XRN1: variants seen among roughly 807,000 people sequenced by gnomAD.
The protein encoded by XRN1 is 5'-3' exoribonuclease 1, also known as strand-exchange protein 1 homolog.
XRN1 carries 67 observed loss-of-function variants against 222.3 expected under a neutral mutation model. The ratio of observed to expected loss-of-function variants is 0.30; its 90% CI spans 0.25 to 0.37. XRN1 has a LOEUF of 0.37. XRN1 is among the 10% of genes least tolerant of loss of function. XRN1 has a pLI of 1.00. For synonymous variants in XRN1, 643 were observed against 652.4 expected (o/e 0.99, Z 0.22); for missense variants, 1,707 against 2,000.2 (o/e 0.85, Z 2.80).
intron 21 of XRN1, among the ~76,000 whole-genome samples, 188 bp downstream of exon 21, chr3:142,384,335 T>C (rs979014839): frequency 6.6e-6 from 1 of 151,344 alleles, no homozygotes. Context: ...CCTAACTATA[T>C]ATACTGAGTG....
At position 142,365,334 on chromosome 3, in the gene XRN1, T is replaced by G; in HGVS notation, c.3237A>C (p.Thr1079=). ...QRKNNKKVRV[T]VKPHLLYRPL... ...CTCTGTATAGCAAATGGGGTTTCAC[T>G]GTTACTCGCACCTTCTTATTATTCT... Residue 1079 remains threonine (T), a synonymous_variant, in exon 28 of 41, where the codon ACA becomes ACC. Transcript: ENST00000392981. 3 of 1,585,718 alleles carry G rather than the reference T, an allele frequency of 1.9e-6. No homozygotes were observed. The highest frequency in any genetic ancestry group is 2.6e-6 in the Non-Finnish European group (3 of 1,165,914).
In XRN1 at chr3:142,417,226, G is replaced by C. The variant is rs1179310572; in HGVS notation, c.1350C>G (p.Asp450Glu). Residue 450 changes from aspartate (D) to glutamate (E), a missense_variant, in exon 13 of 41, where the codon GAC (aspartate) becomes GAG (glutamate). Coordinates refer to ENST00000392981, the MANE Select transcript of XRN1 (RefSeq NM_001282857.2). ...TKMGVDVVSD[D>E]FLADQAACYV... ...AACATGCAGCTTGATCAGCCAGAAA[G>C]TCACTGAAAATAGAATATTTTCATT... 4.3e-6 allele frequency: 7 copies of C among 1,612,880 alleles called. No homozygotes were observed. In the African/African-American group the frequency reaches 9.4e-5, roughly 22 times the overall value.
intron 2 of XRN1, among the ~76,000 whole-genome samples, chr3:142,432,240 T>A (rs1378481038): frequency 1.7e-5 from 2 of 118,662 alleles, no homozygotes; most frequent in Non-Finnish European, 3.1e-5. Flanking sequence ...TATATATATA[T>A]AAAATTTATT....
chr3:142,314,643 G>C (rs1344532345), intron 39 of XRN1, among the ~76,000 whole-genome samples: 1 of 151,828 alleles, frequency 6.6e-6, no homozygotes, highest in Non-Finnish European at 1.5e-5. Context: ...AGTGGCTCAT[G>C]CCTGTAATCC....
rs2069013246 is a variant in XRN1, at chr3:142,421,117, G to C, written c.1072C>G (p.Leu358Val). 42 of 1,613,696 alleles carry C rather than the reference G, an allele frequency of 2.6e-5. No individual in the cohort carries two copies. Among genetic ancestry groups the C allele is most frequent in the Non-Finnish European group, 3.6e-5 (42 of 1,179,844 alleles). Residue 358 changes from leucine (L) to valine (V), a missense_variant, in exon 10 of 41, where the codon CTA (leucine) becomes GTA (valine). By Grantham distance (32) the Leu-to-Val change is conservative (BLOSUM62 1). Transcript: ENST00000392981. ...REHFSEVFVD[L>V]KWFESKVGNK... is the part of the protein sequence containing the mutation. The stretch of plus-strand genomic sequence containing the variant: ...CCAACTTTGCTTTCAAACCATTTTA[G>C]GTCCACAAAAACTTCACTGAAGTGC...
In XRN1 at chr3:142,359,869, T is replaced by C; in HGVS notation, c.3457A>G (p.Thr1153Ala). 2 of 1,603,322 alleles carry C rather than the reference T, an allele frequency of 1.2e-6. No individual in the cohort carries two copies. The highest frequency in any genetic ancestry group is 8.5e-7 in the Non-Finnish European group (1 of 1,172,468). ...LFDEEFPGGL[T>A]IRCSPGRGYR... ...TCATTGGGAAATACAAACCTTATTG[T>C]TAACCCTCCAGGAAATTCTTCATCA... Residue 1153 changes from threonine to alanine, a missense_variant, in exon 30 of 41, where the codon ACA becomes GCA. By Grantham distance (58) the Thr-to-Ala change is moderately conservative. Coordinates refer to ENST00000392981, the MANE Select transcript of XRN1 (RefSeq NM_001282857.2).
chr3:142,439,862 T>C (rs894522187), intron 1 of XRN1, among the ~76,000 whole-genome samples: 4 of 152,120 alleles, frequency 2.6e-5, no homozygotes, highest in African/African-American at 7.2e-5. Context: ...TTGCTTCCAG[T>C]GCGGTCCGCA....
chr3:142,418,081 A>G (rs1020561854), intron 12 of XRN1: 2 of 168,654 alleles, frequency 1.2e-5, no homozygotes, highest in Non-Finnish European at 2.5e-5. Context: ...ATAATGTACT[A>G]TAAGCATCCT....
intron 26 of XRN1, 108 bp from the exon 27 acceptor site, chr3:142,370,728 C>A: frequency 3.3e-6 from 3 of 901,882 alleles, no homozygotes; most frequent in Non-Finnish European, 1.6e-6. Context: ...TGAACTTAAT[C>A]GGGACTAATT....
intron 37 of XRN1, among the ~76,000 whole-genome samples, chr3:142,327,120 C>T (rs1406534563): frequency 6.6e-6 from 1 of 152,000 alleles, no homozygotes; most frequent in Non-Finnish European, 1.5e-5. Flanking sequence ...CAGGGTAATA[C>T]TGGCAAGTTT....
intron 33 of XRN1, among the ~76,000 whole-genome samples, chr3:142,339,154 G>A (rs897663519): frequency 6.6e-6 from 1 of 152,162 alleles, no homozygotes; most frequent in Non-Finnish European, 1.5e-5. Flanking sequence ...GTGGCTTCAG[G>A]TCTGACCTAG....
chr3:142,363,906 T>C (rs2107858742), intron 29 of XRN1, among the ~76,000 whole-genome samples: 1 of 152,338 alleles, frequency 6.6e-6, no homozygotes, highest in Non-Finnish European at 1.5e-5. Context: ...TTAACAATAG[T>C]GAGTCTTCCA....
intron 3 of XRN1, 23 bp from the exon 4 acceptor site, chr3:142,425,561 G>T (rs1214097450): frequency 6.4e-7 from 1 of 1,570,536 alleles, no homozygotes; most frequent in East Asian, 2.3e-5. Context: ...TTTTAAAAAG[G>T]TTAATCTAAG....
chr3:142,408,634 T>G (rs1245642467), intron 15 of XRN1, among the ~76,000 whole-genome samples: 2 of 152,228 alleles, frequency 1.3e-5, no homozygotes, highest in African/African-American at 2.4e-5. Context: ...ATTGGGCGGT[T>G]TCCAGTTTAG....
At chr3:142,317,090 T>C (rs2065231767) in intron 39 of XRN1, among the ~76,000 whole-genome samples, 1 of 152,170 alleles carries the variant, frequency 6.6e-6, no homozygotes, top group African/African-American at 2.4e-5. Flanking sequence ...CCATTCTAAT[T>C]TTTGATCTTT....
At chr3:142,332,787 T>G (rs1290385900) in intron 35 of XRN1, 180 bp downstream of exon 35, 1 of 930,288 alleles carries the variant, frequency 1.1e-6, no homozygotes, top group Non-Finnish European at 1.5e-6. Context: ...GGAACTGTGG[T>G]CTAAAGAGAA....
chr3:142,332,685 A>AT lies in XRN1; in HGVS notation c.4063-152_4063-151insA, dbSNP rs1324508642. Among the ~76,000 whole-genome samples, 4 of 152,082 alleles carry AT rather than the reference A, an allele frequency of 2.6e-5. No homozygotes were observed. In the East Asian group the frequency reaches 7.7e-4, roughly 29 times the overall value. On this transcript the variant is annotated intron_variant, in intron 35 of 40. Coordinates refer to ENST00000392981, the MANE Select transcript of XRN1 (RefSeq NM_001282857.2). ...TTCAGATAGAAACTGAAAAAAAAAA[A>AT]CCCAACACCCACATTTCTGATACAG...
chr3:142,428,412 A>AAATT (rs1279225680), intron 2 of XRN1, among the ~76,000 whole-genome samples: 1 of 152,052 alleles, frequency 6.6e-6, no homozygotes, highest in Non-Finnish European at 1.5e-5. Context: ...AAAAAAAAAA[A>AAATT]AATTATTTCT....
Position 142,432,282 on chromosome 3 carries a change from C to T in XRN1, c.308+379G>A, listed in dbSNP as rs571774305. On this transcript the variant is annotated intron_variant, in intron 2 of 40. Transcript: ENST00000392981. ...ATATATATAAAAAATTAGCTGGGTC[C>T]GGTGGCGCTTGGCTGTAATCCCAGC... 3.3e-3 allele frequency among the ~76,000 whole-genome samples: 399 copies of T among 122,404 alleles called. 2 individuals are homozygous for T. Among genetic ancestry groups the T allele is most frequent in the African/African-American group, 0.013 (332 of 24,722 alleles). The allele number at this position is 122,404 out of a possible 152,430, so 80.3% of individuals were successfully genotyped here.
Sources: allele counts gnomAD v4.1 joint callset (sites outside exome capture counted in the v4.1 genomes callset), GRCh38; gene constraint gnomAD v4.1.1; transcripts MANE v1.5; gene names NCBI Gene and HGNC (gene_info 2026-07-23, HGNC 2026-07-21).